CREB5: variants seen among roughly 807,000 people sequenced by gnomAD.
The protein encoded by CREB5 is cyclic AMP-responsive element-binding protein 5.
Under a neutral mutation model 57.1 loss-of-function variants are expected in CREB5, and 19 were observed. The ratio of observed to expected loss-of-function variants is 0.33; its 90% CI spans 0.23 to 0.49. The LOEUF (loss-of-function observed/expected upper bound fraction) is 0.49, where lower values mean the gene tolerates loss of function less well. Among genes scored for constraint, CREB5 ranks in the 20% least tolerant of loss-of-function variants. The probability of loss-of-function intolerance (pLI) is 0.99; values close to 1 mark genes in which losing one functional copy is unlikely to be tolerated. For missense variants in CREB5, 579 were observed against 671.6 expected (o/e 0.86, Z 1.52); for synonymous variants, 238 against 238.3 (o/e 1.00, Z 0.01).
At chr7:28,636,504 T>G (rs1342761220) in intron 5 of CREB5, among the ~76,000 whole-genome samples, 1 of 152,212 alleles carries the variant, frequency 6.6e-6, no homozygotes, top group Non-Finnish European at 1.5e-5. Flanking sequence ...TGTGTGGCAC[T>G]TACTTCTGCT....
At chr7:28,402,803 C>G (rs985226736) in intron 1 of CREB5, among the ~76,000 whole-genome samples, 2 of 152,148 alleles carry the variant, frequency 1.3e-5, no homozygotes, top group African/African-American at 4.8e-5. Flanking sequence ...GCAATGGCAA[C>G]AAAAGCCAAA....
rs1798087890 is a variant in CREB5, at chr7:28,628,553, C to CATGG, written c.464+58017_464+58020dup. 7.2e-5 allele frequency among the ~76,000 whole-genome samples: 11 copies of CATGG among 152,082 alleles called. No homozygotes were observed. In the South Asian group the frequency reaches 2.1e-3, roughly 29 times the overall value. On this transcript the variant is annotated intron_variant, in intron 5 of 10. Transcript: ENST00000357727. ...TCAGTGGGTAAGAGAAGGAAGAGAC[C>CATGG]ATGGTAGCCAGTGGCAGAAGAAAGT...
chr7:28,667,949 A>C (rs1799889056), intron 5 of CREB5, among the ~76,000 whole-genome samples: 1 of 152,206 alleles, frequency 6.6e-6, no homozygotes, highest in Admixed American at 6.5e-5. Flanking sequence ...TATGTGAGAC[A>C]ATTTAAAGGT....
chr7:28,539,541 A>G (rs77829593), intron 4 of CREB5, among the ~76,000 whole-genome samples: 2,590 of 152,330 alleles, frequency 0.017, 79 homozygotes, highest in African/African-American at 0.059. Context: ...GTTCACATCT[A>G]TATTCCTTGC....
intron 4 of CREB5, among the ~76,000 whole-genome samples, chr7:28,557,261 A>T (rs557203856): frequency 6.6e-6 from 1 of 152,348 alleles, no homozygotes; most frequent in African/African-American, 2.4e-5. Context: ...TGCAATTTTA[A>T]CAATACTGAG....
At chr7:28,720,441 C>T (rs1802963034) in intron 6 of CREB5, among the ~76,000 whole-genome samples, 1 of 152,206 alleles carries the variant, frequency 6.6e-6, no homozygotes, top group African/African-American at 2.4e-5. Flanking sequence ...TCCAATGTCA[C>T]ACAGCTTGTG....
chr7:28,736,100 C>T lies in CREB5; in HGVS notation c.702+11768C>T, dbSNP rs117251236. Among the ~76,000 whole-genome samples, 307 of 152,198 alleles carry T rather than the reference C, an allele frequency of 2.0e-3. 7 individuals are homozygous for T. The East Asian group carries it at 0.056, about 28-fold the overall frequency. ...AGGCATGAGCCCCAACACCTGGCCC[C>T]GTGTGCTTGCTATGTGGTAAGGAGT... is the stretch of plus-strand genomic sequence containing the variant. On this transcript the variant is annotated intron_variant, in intron 7 of 10. Transcript: ENST00000357727.
chr7:28,403,124 A>C (rs1290500232), intron 1 of CREB5, among the ~76,000 whole-genome samples: 1 of 152,226 alleles, frequency 6.6e-6, no homozygotes, highest in African/African-American at 2.4e-5. Flanking sequence ...GATGGCTTCA[A>C]CTAGAACATC....
intron 1 of CREB5, among the ~76,000 whole-genome samples, chr7:28,417,268 C>A (rs1788064805): frequency 6.6e-6 from 1 of 151,854 alleles, no homozygotes; most frequent in African/African-American, 2.4e-5. Context: ...TTTGATTTAA[C>A]CTGATATATC....
chr7:28,318,525 A>C (rs1381564880), intron 1 of CREB5, among the ~76,000 whole-genome samples: 1 of 152,266 alleles, frequency 6.6e-6, no homozygotes, highest in Non-Finnish European at 1.5e-5. Context: ...AAGTATGACT[A>C]ACAATACACA....
intron 9 of CREB5, among the ~76,000 whole-genome samples, chr7:28,815,275 T>A (rs1381215975): frequency 3.9e-5 from 6 of 152,246 alleles, no homozygotes; most frequent in Non-Finnish European, 8.8e-5. Context: ...CCTGTCTCTA[T>A]AACAATAAAA....
At chr7:28,566,370 G>T (rs1207513469) in intron 4 of CREB5, among the ~76,000 whole-genome samples, 1 of 152,302 alleles carries the variant, frequency 6.6e-6, no homozygotes, top group East Asian at 1.9e-4. Flanking sequence ...AAATGTTGAA[G>T]AAGAAAAGGC....
chr7:28,558,068 T>C (rs1476147213), intron 4 of CREB5, among the ~76,000 whole-genome samples: 1 of 152,188 alleles, frequency 6.6e-6, no homozygotes, highest in Non-Finnish European at 1.5e-5. Context: ...GCCAGTGTAT[T>C]ATCCCCTGTG....
At position 28,538,046 on chromosome 7, in the gene CREB5, G is replaced by A. The variant is rs569207837; in HGVS notation, c.291+30309G>A. ...GGTTTTTGTTGTTGTTGTTGTTATCGTTTTGTTTTGTTTTTATTTTTGTTT... is the reference window on the plus strand; with the variant it reads ...GGTTTTTGTTGTTGTTGTTGTTATCATTTTGTTTTGTTTTTATTTTTGTTT... On this transcript the variant is annotated intron_variant, in intron 4 of 10. Coordinates refer to ENST00000357727, the MANE Select transcript of CREB5 (RefSeq NM_182898.4). 4.5e-4 allele frequency among the ~76,000 whole-genome samples: 67 copies of A among 149,094 alleles called. No homozygotes were observed. In the Middle Eastern group the frequency reaches 0.014, roughly 30 times the overall value.
At chr7:28,560,969 T>TGTGTGCGCGTGTGCCTGCGTGCGC (rs1795220197) in intron 4 of CREB5, among the ~76,000 whole-genome samples, 1 of 24,956 alleles carries the variant, frequency 4.0e-5, no homozygotes, top group African/African-American at 1.1e-4. Context: ...TGCGTGTGTG[T>TGTGTGCGCGTGTGCCTGCGTGCGC]GTGCGTGTGT....
intron 7 of CREB5, among the ~76,000 whole-genome samples, chr7:28,746,302 A>G (rs1044952755): frequency 6.6e-6 from 1 of 152,206 alleles, no homozygotes; most frequent in Non-Finnish European, 1.5e-5. Context: ...TATGTAAAGC[A>G]ACAAGAAAAG....
At chr7:28,516,576 C>T (rs1562769275) in intron 4 of CREB5, among the ~76,000 whole-genome samples, 1 of 152,198 alleles carries the variant, frequency 6.6e-6, no homozygotes, top group Non-Finnish European at 1.5e-5. Context: ...GCCCGCCCTG[C>T]CCTCCCATCA....
chr7:28,356,471 A>T (rs1233043744), intron 1 of CREB5, among the ~76,000 whole-genome samples: 1 of 152,226 alleles, frequency 6.6e-6, no homozygotes, highest in African/African-American at 2.4e-5. Flanking sequence ...GAAGTGATAC[A>T]TGTGTTGATC....
intron 5 of CREB5, among the ~76,000 whole-genome samples, chr7:28,661,631 A>C (rs1464902928): frequency 6.6e-6 from 1 of 152,224 alleles, no homozygotes; most frequent in African/African-American, 2.4e-5. Context: ...TCTTTATTGA[A>C]ACAGAGTCAC....
Sources: gnomAD v4.1 joint callset for allele counts (sites outside exome capture counted in the v4.1 genomes callset) on GRCh38, gnomAD v4.1.1 for gene constraint, MANE v1.5 for transcripts, NCBI Gene and HGNC (gene_info 2026-07-23, HGNC 2026-07-21) for gene names.